Variants in GRID2 observed in about 807,000 individuals in gnomAD.
GRID2 encodes the protein glutamate ionotropic receptor delta type subunit 2.
In GRID2, 33 loss-of-function variants were observed where a neutral mutation model predicts 114.8. That is an observed-to-expected ratio of 0.29 (90% confidence interval 0.22 to 0.38). The LOEUF is 0.38. Among genes scored for constraint, GRID2 ranks in the 10% least tolerant of loss-of-function variants. The probability of loss-of-function intolerance (pLI) is 1.00; values close to 1 mark genes in which losing one functional copy is unlikely to be tolerated. For synonymous variants in GRID2, 505 were observed against 449.9 expected (o/e 1.12, Z -1.55); for missense variants, 1,184 against 1,257.7 (o/e 0.94, Z 0.89).
At chr4:93,229,065 G>T (rs1322912155) in intron 7 of GRID2, among the ~76,000 whole-genome samples, 2 of 151,984 alleles carry the variant, frequency 1.3e-5, no homozygotes, top group Non-Finnish European at 2.9e-5. Context: ...CATTCTTTGT[G>T]TCAAGAAACT....
At chr4:93,102,743 A>C (rs1731820049) in intron 3 of GRID2, among the ~76,000 whole-genome samples, 1 of 151,146 alleles carries the variant, frequency 6.6e-6, no homozygotes, top group African/African-American at 2.4e-5. Flanking sequence ...TTAAAAATAA[A>C]AGACATCAAC....
intron 13 of GRID2, among the ~76,000 whole-genome samples, chr4:93,582,685 G>T (rs1415707558): frequency 1.3e-5 from 2 of 151,942 alleles, no homozygotes; most frequent in East Asian, 3.9e-4. Context: ...TAATAATGGA[G>T]ACCTTACTTG....
At chr4:92,550,458 G>T (rs1432040190) in intron 1 of GRID2, among the ~76,000 whole-genome samples, 1 of 152,086 alleles carries the variant, frequency 6.6e-6, no homozygotes, top group African/African-American at 2.4e-5. Context: ...ATTTCTTCAT[G>T]GGTGAATTGA....
At chr4:92,407,857 C>A (rs1467924030) in intron 1 of GRID2, among the ~76,000 whole-genome samples, 1 of 152,040 alleles carries the variant, frequency 6.6e-6, no homozygotes, top group Non-Finnish European at 1.5e-5. Flanking sequence ...GAATAACTTA[C>A]AATTATTCTT....
At chr4:92,457,551 A>G (rs1721278625) in intron 1 of GRID2, among the ~76,000 whole-genome samples, 1 of 152,132 alleles carries the variant, frequency 6.6e-6, no homozygotes, top group Non-Finnish European at 1.5e-5. Context: ...GACTTGATTA[A>G]GGGATGTCTC....
Position 92,779,186 on chromosome 4 carries a change from A to ATGTGTGTGTGTG in GRID2, c.244+188912_244+188923dup, listed in dbSNP as rs70942930. Among the ~76,000 whole-genome samples, 132 of 147,338 alleles carry ATGTGTGTGTGTG rather than the reference A, an allele frequency of 9.0e-4. 1 individual carries two copies. The highest frequency in any genetic ancestry group is 2.2e-3 in the African/African-American group (85 of 39,204). ...ACTATAATTTTTAAGTAGTAAGTAA[A>ATGTGTGTGTGTG]TGTGTGTGTGTGTGTGTGTGTGTAT... On this transcript the variant is annotated intron_variant, in intron 2 of 15. Transcript: ENST00000282020.
intron 8 of GRID2, among the ~76,000 whole-genome samples, chr4:93,358,122 A>G (rs1183692595): frequency 1.3e-5 from 2 of 151,830 alleles, no homozygotes; most frequent in African/African-American, 2.4e-5. Flanking sequence ...GGCATCTTCA[A>G]AGTATTTCTT....
intron 13 of GRID2, among the ~76,000 whole-genome samples, chr4:93,616,778 G>A (rs572690877): frequency 2.8e-4 from 43 of 151,648 alleles, no homozygotes; most frequent in African/African-American, 1.0e-3. Context: ...ATAAAAATCA[G>A]TGAGGCGATC....
intron 8 of GRID2, among the ~76,000 whole-genome samples, chr4:93,300,571 T>A: frequency 6.6e-6 from 1 of 152,116 alleles, no homozygotes; most frequent in East Asian, 1.9e-4. Flanking sequence ...TGAAGGCAAA[T>A]ATATCTTACT....
chr4:93,074,334 T>C (rs1313848356), intron 2 of GRID2, among the ~76,000 whole-genome samples: 1 of 152,114 alleles, frequency 6.6e-6, no homozygotes, highest in African/African-American at 2.4e-5. Flanking sequence ...GAAAAAACAA[T>C]CCATTGTCAA....
intron 2 of GRID2, among the ~76,000 whole-genome samples, chr4:92,606,019 G>A (rs1479964924): frequency 1.5e-5 from 2 of 136,996 alleles, no homozygotes; most frequent in Non-Finnish European, 3.3e-5. Context: ...TTTCCTGTAA[G>A]TGTTCTTCTT....
At chr4:93,213,451 T>C (rs1392528096) in intron 5 of GRID2, among the ~76,000 whole-genome samples, 1 of 152,178 alleles carries the variant, frequency 6.6e-6, no homozygotes. Context: ...AATTAAAATT[T>C]CAGGTATAAG....
chr4:93,043,288 T>C (rs1249082351), intron 2 of GRID2, among the ~76,000 whole-genome samples: 1 of 152,216 alleles, frequency 6.6e-6, no homozygotes, highest in Non-Finnish European at 1.5e-5. Flanking sequence ...ACTTGCTGAT[T>C]GACCTTCTAC....
At chr4:92,717,994 T>G (rs1735628516) in intron 2 of GRID2, among the ~76,000 whole-genome samples, 1 of 152,170 alleles carries the variant, frequency 6.6e-6, no homozygotes, top group African/African-American at 2.4e-5. Flanking sequence ...TCATACAAAA[T>G]TATAGTATAT....
chr4:93,082,488 A>T (rs1017302153), intron 2 of GRID2, among the ~76,000 whole-genome samples: 1 of 151,758 alleles, frequency 6.6e-6, no homozygotes, highest in Non-Finnish European at 1.5e-5. Context: ...CCACTCTCCC[A>T]CTCTCTATGA....
At position 92,333,710 on chromosome 4, in the gene GRID2, C is replaced by T. The variant is rs186741951; in HGVS notation, c.88+28966C>T. Among the ~76,000 whole-genome samples the T allele has an allele frequency of 2.3e-3, 356 of 152,184 alleles. 4 individuals carry two copies. The Middle Eastern group carries it at 0.027, about 12-fold the overall frequency. ...TTCCGTATTTTGTTTAGAAGTTTAT[C>T]CCACCAGATACCCTTTTTAAAAACA... On this transcript the variant is annotated intron_variant, in intron 1 of 15. Transcript: ENST00000282020.
At chr4:92,992,489 G>A in intron 2 of GRID2, among the ~76,000 whole-genome samples, 1 of 151,996 alleles carries the variant, frequency 6.6e-6, no homozygotes, top group East Asian at 1.9e-4. Flanking sequence ...TATTTTATTT[G>A]GGGTATTATC....
chr4:93,395,680 G>C lies in GRID2; in HGVS notation c.1319G>C (p.Gly440Ala). The part of the protein sequence containing the change: ...TDKKLENNMR[G>A]VVLRVVTVLE... ...AAGAAATTGGAGAATAACATGCGTG[G>C]AGTGGTTCTACGTGTAGTAACTGTT... The change falls in exon 9 of 16, where the codon GGA becomes GCA. Residue 440 changes from glycine to alanine, a missense_variant. Physicochemically the swap from Gly to Ala is moderately conservative, Grantham distance 60 (BLOSUM62 0). Transcript: ENST00000282020. 1 of 1,565,620 alleles carries C rather than the reference G, an allele frequency of 6.4e-7. No individual in the cohort carries two copies. Among genetic ancestry groups the C allele is most frequent in the Non-Finnish European group, 8.8e-7 (1 of 1,136,388 alleles).
chr4:93,612,234 C>A (rs1741015125), intron 13 of GRID2, among the ~76,000 whole-genome samples: 1 of 148,878 alleles, frequency 6.7e-6, no homozygotes, highest in Non-Finnish European at 1.5e-5. Flanking sequence ...TTCCTGAATA[C>A]AGCACACTGA....
Sources: gnomAD v4.1 joint callset for allele counts (sites outside exome capture counted in the v4.1 genomes callset) on GRCh38, gnomAD v4.1.1 for gene constraint, MANE v1.5 for transcripts, NCBI Gene and HGNC (gene_info 2026-07-23, HGNC 2026-07-21) for gene names.